CEP89: variants seen among roughly 807,000 people sequenced by gnomAD.
CEP89 encodes the protein centrosomal protein of 89 kDa.
Under a neutral mutation model 97.6 loss-of-function variants are expected in CEP89, and 95 were observed. That is an observed-to-expected ratio of 0.97 (90% CI 0.82 to 1.15). The LOEUF (loss-of-function observed/expected upper bound fraction) is 1.15. Among genes scored for constraint, CEP89 ranks in the 50% most tolerant of loss-of-function variants. CEP89 has a pLI of 0.00. For synonymous variants in CEP89, 354 were observed against 349.1 expected (o/e 1.01, Z -0.16); for missense variants, 869 against 947.7 (o/e 0.92, Z 1.09).
chr19:32,914,285 AT>A (rs760676938), intron 14 of CEP89, among the ~76,000 whole-genome samples: 243 of 151,754 alleles, frequency 1.6e-3, no homozygotes, highest in Middle Eastern at 3.4e-3. Flanking sequence ...TTACTATTTT[AT>A]TTATTTATCA....
Position 32,931,518 on chromosome 19 carries a change from C to A in CEP89, c.940G>T (p.Glu314Ter). 2 of 1,587,036 alleles carry A rather than the reference C, an allele frequency of 1.3e-6. No individual in the cohort carries two copies. The highest frequency in any genetic ancestry group is 1.7e-6 in the Non-Finnish European group (2 of 1,173,766). ...ACAGTCATTTTCAATCCATCATTTT[C>A]ATCCACCAGTTCTTGAGCTTGTTTT... ...LRKQAQELVD[E>*]NDGLKMTVHR... Residue 314 changes from glutamate (E) to a stop codon, truncating the protein, a stop_gained, in exon 9 of 19, where the codon GAA (glutamate) becomes TAA (stop). Transcript: ENST00000305768. LOFTEE classifies it high-confidence loss of function.
At chr19:32,893,564 C>T (rs192060401) in intron 16 of CEP89, among the ~76,000 whole-genome samples, 6 of 152,312 alleles carry the variant, frequency 3.9e-5, no homozygotes, top group South Asian at 4.1e-4. Flanking sequence ...CATCCAGTAA[C>T]GGCAGAATAC....
intron 1 of CEP89, 157 bp downstream of exon 1, chr19:32,971,679 A>T: frequency 1.5e-6 from 1 of 688,574 alleles, no homozygotes; most frequent in Non-Finnish European, 2.5e-6. Context: ...AAAAAAGTTT[A>T]GAACACGAAA....
At chr19:32,881,813 T>TG in intron 18 of CEP89, 31 bp downstream of exon 18, 1 of 1,570,724 alleles carries the variant, frequency 6.4e-7, no homozygotes, top group Non-Finnish European at 8.6e-7. Flanking sequence ...CAGACATCTC[T>TG]GCGGGCCATG....
chr19:32,907,644 G>A (rs759131326), intron 14 of CEP89, among the ~76,000 whole-genome samples: 3 of 152,044 alleles, frequency 2.0e-5, no homozygotes, highest in Admixed American at 6.6e-5. Context: ...TAGAGATGGC[G>A]TTTCACCATG....
chr19:32,919,740 C>T (rs563946839), intron 12 of CEP89, among the ~76,000 whole-genome samples: 10 of 152,318 alleles, frequency 6.6e-5, no homozygotes, highest in African/African-American at 2.4e-4. Flanking sequence ...TCTTGGCCCA[C>T]TGCAACTTCC....
In CEP89 at chr19:32,883,722, G is replaced by T. The variant is rs113782499; in HGVS notation, c.1966-1709C>A. On this transcript the variant is annotated intron_variant, in intron 17 of 18. Coordinates refer to ENST00000305768, the MANE Select transcript of CEP89 (RefSeq NM_032816.5). ...ATGCCTACATTATTTCTACTTTAGG[G>T]ATTTATTGAGGCTTTCTTTGTAGCC... Among the ~76,000 whole-genome samples, 23 of 152,214 alleles carry T rather than the reference G, an allele frequency of 1.5e-4. 1 individual carries two copies. Among genetic ancestry groups the T allele is most frequent in the African/African-American group, 5.5e-4 (23 of 41,538 alleles).
At chr19:32,946,479 T>C (rs1165039835) in intron 5 of CEP89, among the ~76,000 whole-genome samples, 1 of 152,196 alleles carries the variant, frequency 6.6e-6, no homozygotes, top group African/African-American at 2.4e-5. Flanking sequence ...CAAAACAGCA[T>C]GCACTTTATA....
intron 1 of CEP89, chr19:32,971,444 T>G: frequency 4.2e-6 from 2 of 476,676 alleles, no homozygotes; most frequent in Non-Finnish European, 7.4e-6. Context: ...TTTAGGAGGC[T>G]AAGGAGCTCA....
chr19:32,944,859 A>G (rs7251236), intron 5 of CEP89, among the ~76,000 whole-genome samples: 54,093 of 152,100 alleles, frequency 0.36, 9,842 homozygotes, highest in Admixed American at 0.48. Context: ...GGCTTTAGAC[A>G]CTAATCATCA....
intron 4 of CEP89, among the ~76,000 whole-genome samples, chr19:32,952,916 A>AG (rs1970954198): frequency 6.7e-6 from 1 of 148,362 alleles, no homozygotes; most frequent in Non-Finnish European, 1.5e-5. Context: ...AAAAAAAAAA[A>AG]AAAAAAAAGA....
chr19:32,910,925 G>A (rs759973909), intron 14 of CEP89, among the ~76,000 whole-genome samples: 1 of 152,180 alleles, frequency 6.6e-6, no homozygotes, highest in Non-Finnish European at 1.5e-5. Flanking sequence ...TAAGTAGAAG[G>A]AGTACACTCT....
intron 8 of CEP89, among the ~76,000 whole-genome samples, chr19:32,931,801 T>C (rs1472318164): frequency 6.6e-6 from 1 of 152,162 alleles, no homozygotes; most frequent in East Asian, 1.9e-4. Context: ...TGTGGAAGTT[T>C]TTGCATGTAC....
intron 6 of CEP89, 90 bp from the exon 7 acceptor site, chr19:32,937,763 A>T: frequency 1.2e-6 from 1 of 862,986 alleles, no homozygotes; most frequent in Non-Finnish European, 1.9e-6. Flanking sequence ...GACAGCAGGT[A>T]TATAAGCATG....
intron 11 of CEP89, among the ~76,000 whole-genome samples, chr19:32,924,898 C>G (rs1340134552): frequency 1.3e-5 from 2 of 152,186 alleles, no homozygotes; most frequent in Non-Finnish European, 2.9e-5. Flanking sequence ...TGCTTATTAA[C>G]TGGCCCTTGA....
intron 16 of CEP89, among the ~76,000 whole-genome samples, chr19:32,894,047 A>G (rs1266375442): frequency 6.6e-6 from 1 of 152,210 alleles, no homozygotes; most frequent in Admixed American, 6.5e-5. Flanking sequence ...TCAGAGCAGA[A>G]CTAAGTGAGG....
At chr19:32,935,806 C>T (rs1568569234) in intron 7 of CEP89, among the ~76,000 whole-genome samples, 2 of 151,942 alleles carry the variant, frequency 1.3e-5, no homozygotes, top group African/African-American at 2.4e-5. Flanking sequence ...TGCCCAAGCC[C>T]GGCTGCAGAC....
chr19:32,930,565 G>T (rs972673565), intron 9 of CEP89, among the ~76,000 whole-genome samples: 1 of 151,924 alleles, frequency 6.6e-6, no homozygotes, highest in Non-Finnish European at 1.5e-5. Context: ...GGAGAACACC[G>T]TGTGCCTTCC....
In CEP89 at chr19:32,915,504, A is replaced by G; in HGVS notation, c.1398T>C (p.Thr466=). Residue 466 remains threonine (T), a synonymous_variant, in exon 14 of 19, where the codon ACT becomes ACC. Transcript: ENST00000305768. ...QERLQEVSKL[T]KQLMLLEAKT... Reference sequence around the variant, plus strand: ...TTGCCTCCAGGAGCATTAGTTGTTTAGTCAGCTTAGAAACTGAAAATCAAA... The same window carrying G: ...TTGCCTCCAGGAGCATTAGTTGTTTGGTCAGCTTAGAAACTGAAAATCAAA... 3.1e-6 allele frequency: 5 copies of G among 1,609,416 alleles called. No individual in the cohort carries two copies. The highest frequency in any genetic ancestry group is 4.2e-6 in the Non-Finnish European group (5 of 1,178,954).
Sources: allele counts gnomAD v4.1 joint callset (sites outside exome capture counted in the v4.1 genomes callset), GRCh38; gene constraint gnomAD v4.1.1; transcripts MANE v1.5; gene names NCBI Gene and HGNC (gene_info 2026-07-23, HGNC 2026-07-21).